The following TYR variants were observed in gnomAD, a reference collection of about 807,000 sequenced individuals.
The protein encoded by TYR is tyrosinase.
A neutral mutation model predicts 51.5 loss-of-function variants in TYR; 58 were observed. The observed-to-expected ratio is 1.13, with a 90% confidence interval of 0.91 to 1.40. The LOEUF is 1.40. TYR is among the 40% of genes most tolerant of loss of function. The pLI is 0.00. For missense variants in TYR, 732 were observed against 647.4 expected (o/e 1.13, Z -1.42); for synonymous variants, 263 against 235.2 (o/e 1.12, Z -1.08).
At chr11:89,235,514 T>C (rs981607407) in intron 3 of TYR, among the ~76,000 whole-genome samples, 1 of 152,192 alleles carries the variant, frequency 6.6e-6, no homozygotes, top group Non-Finnish European at 1.5e-5. Flanking sequence ...TTCTGTCATC[T>C]ATCATAATAT....
At chr11:89,186,220 G>A (rs562488688) in intron 1 of TYR, among the ~76,000 whole-genome samples, 20 of 152,216 alleles carry the variant, frequency 1.3e-4, no homozygotes, top group African/African-American at 4.8e-4. Flanking sequence ...ATTTTTTGGA[G>A]GTAGAATTGC....
At chr11:89,271,587 G>A (rs1201381963) in intron 3 of TYR, among the ~76,000 whole-genome samples, 1 of 151,916 alleles carries the variant, frequency 6.6e-6, no homozygotes, top group African/African-American at 2.4e-5. Context: ...TGACTGATCA[G>A]GGTGATGGCT....
chr11:89,242,488 G>A (rs1944211219), intron 3 of TYR, among the ~76,000 whole-genome samples: 1 of 152,032 alleles, frequency 6.6e-6, no homozygotes, highest in Non-Finnish European at 1.5e-5. Context: ...GGGATTACAG[G>A]CATGAGCCAC....
At chr11:89,227,099 AATAGGG>A (rs1189540168) in intron 2 of TYR, among the ~76,000 whole-genome samples, 1 of 152,102 alleles carries the variant, frequency 6.6e-6, no homozygotes, top group Non-Finnish European at 1.5e-5. Flanking sequence ...GTTTTCTTTG[AATAGGG>A]ATAATAATTT....
At chr11:89,197,840 C>T (rs139884020) in intron 2 of TYR, among the ~76,000 whole-genome samples, 4 of 152,102 alleles carry the variant, frequency 2.6e-5, no homozygotes, top group Middle Eastern at 3.4e-3. Context: ...GTAAGCTATA[C>T]GTCATTTTAA....
chr11:89,276,893 G>A (rs1040620816), intron 3 of TYR, among the ~76,000 whole-genome samples: 1 of 151,764 alleles, frequency 6.6e-6, no homozygotes, highest in Admixed American at 6.6e-5. Context: ...AATGTTGGTT[G>A]TACCGTTAAC....
At chr11:89,227,770 G>T (rs1943994760) in intron 2 of TYR, 53 bp from the exon 3 acceptor site, 5 of 1,486,212 alleles carry the variant, frequency 3.4e-6, no homozygotes, top group Non-Finnish European at 4.6e-6. Context: ...TAATCACATA[G>T]GTTTTCAGTC....
intron 3 of TYR, among the ~76,000 whole-genome samples, chr11:89,258,891 C>T (rs771102025): frequency 5.3e-5 from 8 of 152,020 alleles, no homozygotes; most frequent in Non-Finnish European, 8.8e-5. Flanking sequence ...GTGCCTTTGC[C>T]ACCCTCACTC....
At chr11:89,202,951 A>G (rs1288384990) in intron 2 of TYR, among the ~76,000 whole-genome samples, 1 of 152,190 alleles carries the variant, frequency 6.6e-6, no homozygotes, top group Non-Finnish European at 1.5e-5. Flanking sequence ...TCTCTAGTGT[A>G]AAAGGAGTGG....
chr11:89,264,885 T>C (rs1171322018), intron 3 of TYR, among the ~76,000 whole-genome samples: 1 of 152,064 alleles, frequency 6.6e-6, no homozygotes, highest in African/African-American at 2.4e-5. Flanking sequence ...GGAAAACTGC[T>C]TTTCTTAAGT....
intron 4 of TYR, among the ~76,000 whole-genome samples, chr11:89,290,735 C>T (rs1273115801): frequency 6.6e-6 from 1 of 151,944 alleles, no homozygotes; most frequent in Non-Finnish European, 1.5e-5. Context: ...CAAAGTTATA[C>T]ATATATTTTT....
Position 89,227,961 on chromosome 11 carries a change from T to C in TYR, c.1175T>C (p.Phe392Ser), listed in dbSNP as rs1395444792. Residue 392 changes from phenylalanine (F) to serine (S), a missense_variant, in exon 3 of 5, where the codon TTT becomes TCT. Transcript: ENST00000263321. ...NDPIFLLHHA[F>S]VDSIFEQWLR... The stretch of plus-strand genomic sequence containing the variant: ...CCTATCTTCCTTCTTCACCATGCAT[T>C]TGTTGACAGGTTGGTTAATATTTCT... 1 of 1,613,248 alleles carries C rather than the reference T, an allele frequency of 6.2e-7. No homozygotes were observed. The highest frequency in any genetic ancestry group is 1.3e-5 in the African/African-American group (1 of 74,866).
Position 89,187,540 on chromosome 11 carries a change from C to T in TYR, c.820-3662C>T, listed in dbSNP as rs1025301955. On this transcript the variant is annotated intron_variant, in intron 1 of 4. Transcript: ENST00000263321. ...TGACAGGGGAAGATGACTAGAGTGC[C>T]TTTATGTGGGAATGGGTAGCCAGGA... Among the ~76,000 whole-genome samples, 6 of 152,002 alleles carry T rather than the reference C, an allele frequency of 3.9e-5. No individual in the cohort carries two copies. In the East Asian group the frequency reaches 1.2e-3, roughly 29 times the overall value.
intron 3 of TYR, among the ~76,000 whole-genome samples, chr11:89,262,922 T>C (rs1170462350): frequency 6.8e-6 from 1 of 146,068 alleles, no homozygotes; most frequent in African/African-American, 2.5e-5. Flanking sequence ...GCTTAATTAA[T>C]TGATTTTCTC....
At position 89,191,257 on chromosome 11, in the gene TYR, C is replaced by A. The variant is rs61754372; in HGVS notation, c.875C>A (p.Thr292Lys). The change falls in exon 2 of 5, where the codon ACG becomes AAG. Residue 292 changes from threonine to lysine, a missense_variant. Physicochemically the swap from Thr to Lys is moderately conservative, Grantham distance 78. Coordinates refer to ENST00000263321, the MANE Select transcript of TYR (RefSeq NM_000372.5). ...YNSHQSLCNG[T>K]PEGPLRRNPG... ...AGCCATCAGTCTTTATGCAATGGAA[C>A]GCCCGAGGGACCTTTACGGCGTAAT... 3.1e-6 allele frequency: 5 copies of A among 1,613,500 alleles called. No individual in the cohort carries two copies. The East Asian group carries it at 8.9e-5, about 29-fold the overall frequency.
chr11:89,195,222 A>T (rs35801536), intron 2 of TYR, among the ~76,000 whole-genome samples: 5,314 of 152,268 alleles, frequency 0.035, 133 homozygotes, highest in Middle Eastern at 0.065. Context: ...TGGTCTCGTG[A>T]GAAGTGTATA....
At chr11:89,213,280 C>A (rs1192895175) in intron 2 of TYR, among the ~76,000 whole-genome samples, 1 of 151,994 alleles carries the variant, frequency 6.6e-6, no homozygotes, top group Non-Finnish European at 1.5e-5. Flanking sequence ...ACAAGCATTC[C>A]TATATACCAA....
rs762936126 is a variant in TYR at position 89,232,023 on chromosome 11, A to T, written c.1184+4053A>T. 1.3e-4 allele frequency among the ~76,000 whole-genome samples: 19 copies of T among 141,848 alleles called. 1 individual carries two copies. Among genetic ancestry groups the T allele is most frequent in the Middle Eastern group, 3.3e-3 (1 of 304 alleles). The allele number at this position is 141,848 out of a possible 152,430, so 93.1% of individuals were successfully genotyped here. On this transcript the variant is annotated intron_variant, in intron 3 of 4. Coordinates refer to ENST00000263321, the MANE Select transcript of TYR (RefSeq NM_000372.5). Reference sequence around the variant, plus strand: ...AAAAGTAAATTAAGAGATCTGTTGTACAGCGTGATGACTAAAGTTAATGAC... The same window carrying T: ...AAAAGTAAATTAAGAGATCTGTTGTTCAGCGTGATGACTAAAGTTAATGAC...
intron 2 of TYR, among the ~76,000 whole-genome samples, chr11:89,212,286 C>A (rs1294822116): frequency 6.6e-6 from 1 of 152,044 alleles, no homozygotes; most frequent in Non-Finnish European, 1.5e-5. Flanking sequence ...ATACAAACTA[C>A]CATCAGAGAA....
Sources: gnomAD v4.1 joint callset for allele counts (sites outside exome capture counted in the v4.1 genomes callset) on GRCh38, gnomAD v4.1.1 for gene constraint, MANE v1.5 for transcripts, NCBI Gene and HGNC (gene_info 2026-07-23, HGNC 2026-07-21) for gene names.